Variants in TPO observed in about 807,000 individuals in gnomAD.
The protein encoded by TPO is thyroid microsomal antigen.
In TPO, 78 loss-of-function variants were observed where a neutral mutation model predicts 96.9. That is an observed-to-expected ratio of 0.81 (90% CI 0.67 to 0.97). TPO has a LOEUF of 0.97. TPO is among the 50% of genes least tolerant of loss of function. The pLI is 0.00. For synonymous variants in TPO, 547 were observed against 538.0 expected, an observed-to-expected ratio of 1.02 and a Z score of -0.23; for missense variants, 1,252 against 1,274.8, an observed-to-expected ratio of 0.98 and a Z score of 0.27.
At chr2:1,419,452 G>T (rs1663283877) in intron 2 of TPO, among the ~76,000 whole-genome samples, 1 of 152,192 alleles carries the variant, frequency 6.6e-6, no homozygotes, top group Non-Finnish European at 1.5e-5. Context: ...CTGAGAAGCA[G>T]CAGATAAAGG....
At chr2:1,452,158 T>C (rs540376177) in intron 5 of TPO, among the ~76,000 whole-genome samples, 11 of 152,350 alleles carry the variant, frequency 7.2e-5, no homozygotes, top group African/African-American at 2.4e-4. Flanking sequence ...GCCTCAGTGT[T>C]CATTGTTTTC....
chr2:1,385,452 C>T (rs544890424), intron 1 of TPO, among the ~76,000 whole-genome samples: 46 of 152,072 alleles, frequency 3.0e-4, no homozygotes, highest in African/African-American at 1.0e-3. Context: ...ATGTGTGTGT[C>T]GAGTAATTTA....
intron 13 of TPO, among the ~76,000 whole-genome samples, chr2:1,502,037 A>C (rs114787703): frequency 2.0e-5 from 3 of 152,142 alleles, no homozygotes; most frequent in Admixed American, 6.5e-5. Flanking sequence ...GGCAGCTGCC[A>C]TTCCCATTCT....
At chr2:1,504,275 G>A (rs891373187) in intron 14 of TPO, among the ~76,000 whole-genome samples, 196 bp downstream of exon 14, 5 of 152,210 alleles carry the variant, frequency 3.3e-5, no homozygotes, top group Non-Finnish European at 7.3e-5. Context: ...TGTGCCTGCT[G>A]TCTGCAGAGA....
intron 7 of TPO, among the ~76,000 whole-genome samples, chr2:1,474,534 G>A (rs1479747095): frequency 2.0e-5 from 3 of 152,094 alleles, no homozygotes; most frequent in South Asian, 2.1e-4. Flanking sequence ...CTATCCTTTC[G>A]AGATTTGATA....
chr2:1,447,153 C>T (rs951322645), intron 5 of TPO, among the ~76,000 whole-genome samples: 3 of 152,046 alleles, frequency 2.0e-5, no homozygotes, highest in African/African-American at 7.2e-5. Flanking sequence ...CTCATGACAC[C>T]CTCCTCCCTT....
intron 5 of TPO, among the ~76,000 whole-genome samples, chr2:1,436,598 C>A (rs1368970021): frequency 6.6e-6 from 1 of 152,196 alleles, no homozygotes; most frequent in Admixed American, 6.5e-5. Flanking sequence ...GCCACAACGT[C>A]CCATCCACAT....
chr2:1,488,339 C>A (rs981383828), intron 10 of TPO, among the ~76,000 whole-genome samples: 11 of 152,030 alleles, frequency 7.2e-5, no homozygotes, highest in Admixed American at 6.6e-4. Flanking sequence ...AGAGTGCCCC[C>A]CTCCCCTTCT....
intron 15 of TPO, among the ~76,000 whole-genome samples, chr2:1,524,862 C>T (rs1428443114): frequency 1.5e-5 from 2 of 137,710 alleles, no homozygotes; most frequent in Admixed American, 7.3e-5. Context: ...CAAATCCCCC[C>T]ACTGTGATGT....
At chr2:1,495,634 G>A (rs6751783) in intron 11 of TPO, among the ~76,000 whole-genome samples, 6 of 152,154 alleles carry the variant, frequency 3.9e-5, no homozygotes, top group East Asian at 1.9e-4. Context: ...TTCTGAGGCC[G>A]CTCGTTCAGA....
At chr2:1,510,765 A>G (rs529834132) in intron 14 of TPO, among the ~76,000 whole-genome samples, 2 of 152,266 alleles carry the variant, frequency 1.3e-5, no homozygotes, top group South Asian at 4.2e-4. Flanking sequence ...CATGTCTGAG[A>G]GATTAATACA....
chr2:1,423,935 C>T (rs1203533997), intron 3 of TPO, among the ~76,000 whole-genome samples: 3 of 152,214 alleles, frequency 2.0e-5, no homozygotes, highest in Non-Finnish European at 2.9e-5. Context: ...CTGGGGAAGA[C>T]ATGGCAGTGG....
Position 1,468,014 on chromosome 2 carries a change from C to T in TPO, c.820-9072C>T, listed in dbSNP as rs551644050. ...CTGATATAAGAATAGCTACACTGCTCGCTTTTGGTGTCCATTTGCATGGAA... is the reference window on the plus strand; with the variant it reads ...CTGATATAAGAATAGCTACACTGCTTGCTTTTGGTGTCCATTTGCATGGAA... On this transcript the variant is annotated intron_variant, in intron 7 of 16. Transcript: ENST00000329066. Among the ~76,000 whole-genome samples, 34 of 150,844 alleles carry T rather than the reference C, an allele frequency of 2.3e-4. No individual in the cohort carries two copies. The South Asian group carries it at 2.5e-3, about 11-fold the overall frequency.
At position 1,528,107 on chromosome 2, in the gene TPO, CCACTGTGTGCAACATTCCTCAAATCCCCG is replaced by C. The variant is rs1221378870; in HGVS notation, c.2618+11139_2618+11167del. Among the ~76,000 whole-genome samples, 650 of 141,132 alleles carry C rather than the reference CCACTGTGTGCAACATTCCTCAAATCCCCG, an allele frequency of 4.6e-3. 7 individuals carry two copies. The highest frequency in any genetic ancestry group is 0.017 in the African/African-American group (625 of 36,252). The allele number at this position is 141,132 out of a possible 152,430, so 92.6% of individuals were successfully genotyped here. On this transcript the variant is annotated intron_variant, in intron 15 of 16. Coordinates refer to ENST00000329066, the MANE Select transcript of TPO (RefSeq NM_001206744.2). ...CACTGTGAGCAAAAGCACAAATCCC[CCACTGTGTGCAACATTCCTCAAATCCCCG>C]CACTGTGTGCAACCCAACCAAATCT...
intron 8 of TPO, among the ~76,000 whole-genome samples, chr2:1,482,939 C>T (rs28910604): frequency 2.4e-4 from 36 of 152,294 alleles, no homozygotes; most frequent in Admixed American, 2.2e-3. Context: ...CTTTGGCCTC[C>T]CAAAGTGCTG....
intron 10 of TPO, among the ~76,000 whole-genome samples, chr2:1,492,081 A>T (rs961810010): frequency 1.3e-5 from 2 of 152,202 alleles, no homozygotes; most frequent in Admixed American, 1.3e-4. Flanking sequence ...CCTGAGGGTG[A>T]ACCAGGGAGC....
intron 7 of TPO, among the ~76,000 whole-genome samples, chr2:1,472,075 TATCATGCCCTTC>T (rs1404804189): frequency 6.6e-6 from 1 of 152,066 alleles, no homozygotes; most frequent in Non-Finnish European, 1.5e-5. Flanking sequence ...TGAGTGCTGA[TATCATGCCCTTC>T]CCATGATGCA....
chr2:1,532,561 TCCC>T (rs1196877996), intron 15 of TPO, among the ~76,000 whole-genome samples: 7 of 66,264 alleles, frequency 1.1e-4, no homozygotes, highest in East Asian at 4.2e-4. Context: ...CCTCCTCAAA[TCCC>T]CCCAACTGTG....
At chr2:1,503,894 G>A in intron 13 of TPO, 54 bp from the exon 14 acceptor site, 9 of 1,613,918 alleles carry the variant, frequency 5.6e-6, no homozygotes, top group Non-Finnish European at 7.6e-6. Flanking sequence ...TCGCTCGCGG[G>A]AGATGGGGGT....
Sources: allele counts gnomAD v4.1 joint callset (sites outside exome capture counted in the v4.1 genomes callset), GRCh38; gene constraint gnomAD v4.1.1; transcripts MANE v1.5; gene names NCBI Gene and HGNC (gene_info 2026-07-23, HGNC 2026-07-21).